PDE4B: variants seen among roughly 807,000 people sequenced by gnomAD.
PDE4B encodes the protein phosphodiesterase 4B.
PDE4B carries 20 observed loss-of-function variants against 82.2 expected under a neutral mutation model. The ratio of observed to expected loss-of-function variants is 0.24; its 90% confidence interval spans 0.17 to 0.35. The LOEUF is 0.35. PDE4B is among the 10% of genes least tolerant of loss of function. The pLI is 1.00. For synonymous variants in PDE4B, 320 were observed against 318.9 expected, an observed-to-expected ratio of 1.00 and a Z score of -0.04; for missense variants, 655 against 907.2, an observed-to-expected ratio of 0.72 and a Z score of 3.57.
intron 7 of PDE4B, among the ~76,000 whole-genome samples, chr1:66,295,534 T>G (rs915975473): frequency 2.6e-5 from 4 of 152,200 alleles, no homozygotes; most frequent in Admixed American, 6.5e-5. Flanking sequence ...GTTCAAACAA[T>G]TCTCCTGGCT....
At chr1:65,948,991 A>G (rs1462689458) in intron 3 of PDE4B, among the ~76,000 whole-genome samples, 2 of 152,054 alleles carry the variant, frequency 1.3e-5, no homozygotes, top group Non-Finnish European at 2.9e-5. Context: ...TCTTGCCCCT[A>G]GGGACAAAAT....
intron 3 of PDE4B, among the ~76,000 whole-genome samples, chr1:65,999,393 T>A (rs1031567585): frequency 2.0e-5 from 3 of 152,208 alleles, no homozygotes; most frequent in Non-Finnish European, 4.4e-5. Flanking sequence ...TCCTCTCCTG[T>A]TCTCCAGCCC....
chr1:66,102,025 G>A (rs2101023684), intron 3 of PDE4B, among the ~76,000 whole-genome samples: 1 of 152,150 alleles, frequency 6.6e-6, no homozygotes, highest in South Asian at 2.1e-4. Context: ...TGTAAGGAAG[G>A]GATCCAGTTT....
chr1:66,072,347 G>A (rs1500959), intron 3 of PDE4B, among the ~76,000 whole-genome samples: 79,640 of 151,904 alleles, frequency 0.52, 20,988 homozygotes, highest in East Asian at 0.59. Context: ...ATTTGATTTG[G>A]ACTTTCCTTC....
intron 1 of PDE4B, among the ~76,000 whole-genome samples, chr1:65,912,484 A>G (rs1270722650): frequency 1.3e-5 from 2 of 152,118 alleles, no homozygotes; most frequent in African/African-American, 4.8e-5. Flanking sequence ...GTAGTGTTAT[A>G]GAGGTTCTTT....
chr1:66,218,103 CTG>C (rs1650649032), intron 3 of PDE4B, among the ~76,000 whole-genome samples: 1 of 152,110 alleles, frequency 6.6e-6, no homozygotes, highest in South Asian at 2.1e-4. Context: ...TCCAACACCT[CTG>C]TAAAGCTGTT....
chr1:66,177,145 C>G (rs928767567), intron 3 of PDE4B, among the ~76,000 whole-genome samples: 4 of 152,196 alleles, frequency 2.6e-5, no homozygotes, highest in Non-Finnish European at 4.4e-5. Context: ...GAGAGAAAAA[C>G]AAATGCAAAT....
At chr1:66,086,588 C>A (rs969511808) in intron 3 of PDE4B, among the ~76,000 whole-genome samples, 4 of 152,242 alleles carry the variant, frequency 2.6e-5, no homozygotes, top group Admixed American at 6.5e-5. Context: ...CTGTTAATAA[C>A]CACATTTTAC....
intron 2 of PDE4B, among the ~76,000 whole-genome samples, chr1:65,918,142 A>C (rs913864576): frequency 6.6e-6 from 1 of 152,220 alleles, no homozygotes; most frequent in Non-Finnish European, 1.5e-5. Context: ...TGACAGAGCG[A>C]GACTCCATCT....
chr1:66,155,875 C>T (rs1441136480), intron 3 of PDE4B, among the ~76,000 whole-genome samples: 1 of 152,156 alleles, frequency 6.6e-6, no homozygotes, highest in Non-Finnish European at 1.5e-5. Flanking sequence ...TCTAAATTCA[C>T]ATAAGGATGT....
Position 66,007,991 on chromosome 1 carries a change from C to T in PDE4B, c.281+89156C>T, listed in dbSNP as rs192173972. On this transcript the variant is annotated intron_variant, in intron 3 of 16. Transcript: ENST00000341517. ...TACAGAGGTATATCATTACACAACC[C>T]GCCCCATCCCCTTTGCAACTTCCAA... Among the ~76,000 whole-genome samples the T allele has an allele frequency of 6.6e-5, 10 of 152,170 alleles. No individual in the cohort carries two copies. In the East Asian group the frequency reaches 7.7e-4, roughly 12 times the overall value.
chr1:65,970,534 A>G (rs1335644090), intron 3 of PDE4B, among the ~76,000 whole-genome samples: 1 of 152,298 alleles, frequency 6.6e-6, no homozygotes, highest in Admixed American at 6.5e-5. Flanking sequence ...GACTTAAAAT[A>G]TAAAGATTAA....
At chr1:65,794,043 A>T (rs1645604441) in intron 1 of PDE4B, among the ~76,000 whole-genome samples, 1 of 150,534 alleles carries the variant, frequency 6.6e-6, no homozygotes, top group African/African-American at 2.5e-5. Context: ...CAGTAGTTAT[A>T]TATGTGTGTG....
Position 66,361,752 on chromosome 1 carries a change from C to T in PDE4B, c.979C>T (p.Arg327Cys), listed in dbSNP as rs1385030538. Reference protein sequence around the residue: ...SSSLNNTSISRFGVNTENEDH... With the variant: ...SSSLNNTSISCFGVNTENEDH... ...AAGCCTAAACAATACAAGCATCTCA[C>T]GCTTTGGAGTCAACACTGAAAATGA... The change falls in exon 10 of 17, where the codon CGC becomes TGC. Residue 327 changes from arginine (R) to cysteine (C), a missense_variant. Arg to Cys is a radical substitution (Grantham distance 180, BLOSUM62 -3). Coordinates refer to ENST00000341517, the MANE Select transcript of PDE4B (RefSeq NM_002600.4). 1.9e-6 allele frequency: 3 copies of T among 1,612,908 alleles called. No homozygotes were observed. The highest frequency in any genetic ancestry group is 1.3e-5 in the African/African-American group (1 of 74,864).
chr1:66,009,950 T>TATCTATC (rs1557494894), intron 3 of PDE4B, among the ~76,000 whole-genome samples: 1 of 141,064 alleles, frequency 7.1e-6, no homozygotes, highest in African/African-American at 2.8e-5. Context: ...TCTATCTATC[T>TATCTATC]ATCATCTATC....
chr1:66,320,918 C>A (rs946953421), intron 7 of PDE4B, among the ~76,000 whole-genome samples: 8 of 152,144 alleles, frequency 5.3e-5, no homozygotes, highest in Non-Finnish European at 7.4e-5. Context: ...GCCAGGTGAA[C>A]AAAGTTGGGA....
intron 3 of PDE4B, among the ~76,000 whole-genome samples, chr1:66,215,052 A>C (rs1231640315): frequency 6.6e-6 from 1 of 152,146 alleles, no homozygotes; most frequent in Non-Finnish European, 1.5e-5. Flanking sequence ...GAAACTTGCT[A>C]TGACAGGTGA....
intron 3 of PDE4B, among the ~76,000 whole-genome samples, chr1:66,177,770 A>C (rs191527861): frequency 2.6e-5 from 4 of 152,156 alleles, no homozygotes; most frequent in Admixed American, 6.5e-5. Flanking sequence ...CTGGTGTTTT[A>C]TTGATTTCCA....
At chr1:65,954,978 A>G (rs1305823230) in intron 3 of PDE4B, among the ~76,000 whole-genome samples, 2 of 152,118 alleles carry the variant, frequency 1.3e-5, no homozygotes, top group Non-Finnish European at 2.9e-5. Flanking sequence ...AACTTCTGCC[A>G]TATAATAAGT....
Sources: allele counts gnomAD v4.1 joint callset (sites outside exome capture counted in the v4.1 genomes callset), GRCh38; gene constraint gnomAD v4.1.1; transcripts MANE v1.5; gene names NCBI Gene and HGNC (gene_info 2026-07-23, HGNC 2026-07-21).